Variants in RIMS1 observed in about 807,000 individuals in gnomAD.
RIMS1 encodes the protein regulating synaptic membrane exocytosis protein 1.
RIMS1 carries 83 observed loss-of-function variants against 214.1 expected under a neutral mutation model. The observed-to-expected ratio is 0.39, with a 90% CI of 0.32 to 0.47. The LOEUF (loss-of-function observed/expected upper bound fraction) is 0.47. RIMS1 is among the 20% of genes least tolerant of loss of function. The pLI is 0.99. For missense variants in RIMS1, 2,050 were observed against 2,161.8 expected (o/e 0.95, Z 1.03); for synonymous variants, 793 against 786.8 (o/e 1.01, Z -0.13).
At chr6:72,323,609 T>C (rs917749645) in intron 28 of RIMS1, among the ~76,000 whole-genome samples, 3 of 151,776 alleles carry the variant, frequency 2.0e-5, no homozygotes, top group African/African-American at 7.2e-5. Context: ...AAAATTCTAA[T>C]GTATATAGAG....
At chr6:72,009,710 A>G (rs1298015547) in intron 2 of RIMS1, among the ~76,000 whole-genome samples, 1 of 152,230 alleles carries the variant, frequency 6.6e-6, no homozygotes, top group Non-Finnish European at 1.5e-5. Flanking sequence ...CTACGCAAAT[A>G]AACTAGAAAA....
chr6:72,024,847 A>G lies in RIMS1; in HGVS notation c.245+55784A>G, dbSNP rs146489948. On this transcript the variant is annotated intron_variant, in intron 2 of 33. Coordinates refer to ENST00000521978, the MANE Select transcript of RIMS1 (RefSeq NM_014989.7). Reference sequence around the variant, plus strand: ...TCCAATGTCACATAAATAATATATTAAATAATATATAGTAGAGCAGAGATT... The same window carrying G: ...TCCAATGTCACATAAATAATATATTGAATAATATATAGTAGAGCAGAGATT... Among the ~76,000 whole-genome samples, 440 of 151,452 alleles carry G rather than the reference A, an allele frequency of 2.9e-3. 6 individuals carry two copies. The highest frequency in any genetic ancestry group is 1.0e-2 in the African/African-American group (412 of 41,342).
At chr6:72,202,433 A>G (rs1266205218) in intron 6 of RIMS1, among the ~76,000 whole-genome samples, 1 of 152,020 alleles carries the variant, frequency 6.6e-6, no homozygotes, top group Non-Finnish European at 1.5e-5. Flanking sequence ...GTTGTGTCCA[A>G]ATTTCCTCTT....
chr6:71,967,908 G>C (rs1010505755), intron 1 of RIMS1, among the ~76,000 whole-genome samples: 4 of 152,148 alleles, frequency 2.6e-5, no homozygotes, highest in African/African-American at 9.7e-5. Context: ...TTGCCATGCA[G>C]CCTTAAGCTC....
chr6:71,897,153 T>C (rs1303736262), intron 1 of RIMS1, among the ~76,000 whole-genome samples: 1 of 152,192 alleles, frequency 6.6e-6, no homozygotes, highest in African/African-American at 2.4e-5. Context: ...CCTACAGATT[T>C]AATCTTTTGG....
chr6:72,221,321 T>TGA (rs1589464082), intron 6 of RIMS1, among the ~76,000 whole-genome samples: 1 of 151,044 alleles, frequency 6.6e-6, no homozygotes, highest in East Asian at 1.9e-4. Flanking sequence ...TGTGTGTGTG[T>TGA]GATTTTTTTT....
intron 4 of RIMS1, among the ~76,000 whole-genome samples, chr6:72,133,444 G>A (rs2040782357): frequency 1.3e-5 from 2 of 152,150 alleles, no homozygotes; most frequent in Non-Finnish European, 2.9e-5. Context: ...TAGAAAAACA[G>A]ACACAAGAAT....
At chr6:72,057,669 A>G (rs113634115) in intron 2 of RIMS1, among the ~76,000 whole-genome samples, 1,749 of 151,864 alleles carry the variant, frequency 0.012, 9 homozygotes, top group Non-Finnish European at 0.017. Context: ...CACCACTACT[A>G]GCTAATTTTT....
At chr6:72,079,607 G>A (rs1353364151) in intron 2 of RIMS1, among the ~76,000 whole-genome samples, 1 of 152,112 alleles carries the variant, frequency 6.6e-6, no homozygotes, top group East Asian at 1.9e-4. Flanking sequence ...AATACAGCTG[G>A]GTGAGGTGGC....
At chr6:72,202,967 C>T (rs771995411) in intron 6 of RIMS1, among the ~76,000 whole-genome samples, 13 of 152,060 alleles carry the variant, frequency 8.5e-5, no homozygotes, top group Non-Finnish European at 1.8e-4. Flanking sequence ...GCAAGTACTC[C>T]ATAAATATTC....
intron 2 of RIMS1, among the ~76,000 whole-genome samples, chr6:72,032,090 A>G (rs1019174018): frequency 6.6e-6 from 1 of 152,048 alleles, no homozygotes; most frequent in Non-Finnish European, 1.5e-5. Context: ...TGCAGAGTCT[A>G]AAGAACATAA....
At chr6:72,019,929 G>T (rs1814074084) in intron 2 of RIMS1, among the ~76,000 whole-genome samples, 1 of 152,116 alleles carries the variant, frequency 6.6e-6, no homozygotes, top group Non-Finnish European at 1.5e-5. Context: ...AGGATTGAGG[G>T]CATGTCTTGT....
intron 6 of RIMS1, among the ~76,000 whole-genome samples, chr6:72,193,761 T>C (rs1317242702): frequency 6.6e-6 from 1 of 152,200 alleles, no homozygotes; most frequent in East Asian, 1.9e-4. Context: ...GATGCTAAAT[T>C]AACATTCTTC....
intron 2 of RIMS1, among the ~76,000 whole-genome samples, chr6:72,042,404 A>G (rs572480815): frequency 5.5e-4 from 83 of 151,930 alleles, no homozygotes; most frequent in Non-Finnish European, 9.9e-4. Flanking sequence ...ATACTGGATA[A>G]ATATAAAACA....
At chr6:72,378,765 G>A (rs1482504793) in intron 29 of RIMS1, among the ~76,000 whole-genome samples, 1 of 152,148 alleles carries the variant, frequency 6.6e-6, no homozygotes, top group Non-Finnish European at 1.5e-5. Flanking sequence ...CTTAAACCTG[G>A]GGGATGGAGG....
In RIMS1 at chr6:72,183,603, CT is replaced by C. The variant is rs2048677470; in HGVS notation, c.1678+455del. Among the ~76,000 whole-genome samples, 3 of 139,386 alleles carry C rather than the reference CT, an allele frequency of 2.2e-5. No individual in the cohort carries two copies. In the Admixed American group the frequency reaches 2.2e-4, roughly 10 times the overall value. The allele number at this position is 139,386 out of a possible 152,430, so 91.4% of individuals were successfully genotyped here. A position where few individuals can be genotyped will look rare whatever the true frequency, so the allele number is the denominator to read the frequency against. On this transcript the variant is annotated intron_variant, in intron 6 of 33. Coordinates refer to ENST00000521978, the MANE Select transcript of RIMS1 (RefSeq NM_014989.7). The stretch of plus-strand genomic sequence containing the variant: ...TTTTTCAAACTTCAAATTAACCTTT[CT>C]CACAATTTGTGAACAGATTACAGTT...
intron 1 of RIMS1, among the ~76,000 whole-genome samples, chr6:71,904,896 A>G (rs1314419173): frequency 6.6e-6 from 1 of 152,168 alleles, no homozygotes; most frequent in Admixed American, 6.6e-5. Context: ...TAGTGACTTC[A>G]CTGAGGACAT....
At chr6:71,973,465 G>A (rs1312562221) in intron 2 of RIMS1, among the ~76,000 whole-genome samples, 1 of 152,148 alleles carries the variant, frequency 6.6e-6, no homozygotes, top group Non-Finnish European at 1.5e-5. Context: ...TTTACAGTGT[G>A]CCTTTCATGG....
chr6:72,054,959 T>C (rs1467224208), intron 2 of RIMS1, among the ~76,000 whole-genome samples: 1 of 152,242 alleles, frequency 6.6e-6, no homozygotes, highest in African/African-American at 2.4e-5. Context: ...TTGGCTTTTG[T>C]TGCAATTGCT....
Sources: allele counts gnomAD v4.1 joint callset (sites outside exome capture counted in the v4.1 genomes callset), GRCh38; gene constraint gnomAD v4.1.1; transcripts MANE v1.5; gene names NCBI Gene and HGNC (gene_info 2026-07-23, HGNC 2026-07-21).